SMO: variants seen among roughly 807,000 people sequenced by gnomAD.
SMO encodes the protein smoothened, frizzled class receptor.
SMO carries 40 observed loss-of-function variants against 81.6 expected under a neutral mutation model. That is an observed-to-expected ratio of 0.49 (90% CI 0.38 to 0.64). The LOEUF is 0.64. SMO is among the 30% of genes least tolerant of loss of function. The pLI, the probability that SMO is intolerant of heterozygous loss-of-function variation, is 0.00. For missense variants in SMO, 916 were observed against 1,061.1 expected (o/e 0.86, Z 1.90); for synonymous variants, 434 against 432.1 (o/e 1.00, Z -0.05).
intron 1 of SMO, among the ~76,000 whole-genome samples, chr7:129,202,731 C>T (rs948330019): frequency 2.2e-4 from 33 of 152,174 alleles, no homozygotes; most frequent in East Asian, 7.7e-4. Context: ...TCTCTCACTC[C>T]GCTTGGTAAG....
rs377092430 is a variant in SMO, at chr7:129,212,339, G to A, written c.2252G>A (p.Ser751Asn). 3.7e-6 allele frequency: 6 copies of A among 1,614,044 alleles called. No homozygotes were observed. Among genetic ancestry groups the A allele is most frequent in the South Asian group, 1.1e-5 (1 of 91,092 alleles). Residue 751 changes from serine to asparagine, a missense_variant, in exon 12 of 12, where the codon AGT becomes AAT. Ser to Asn is a conservative substitution (Grantham distance 46, BLOSUM62 1). Transcript: ENST00000249373. This position sits in a 1 kb window ranked among gnomAD's most constrained non-coding sequence, Gnocchi z 5.0. ...PSPPQDPFLP[S>N]APAPVAWAHG... ...CCCCCTCAGGATCCATTTCTGCCCAGTGCACCGGCCCCCGTGGCATGGGCT... is the reference window on the plus strand; with the variant it reads ...CCCCCTCAGGATCCATTTCTGCCCAATGCACCGGCCCCCGTGGCATGGGCT...
At position 129,189,205 on chromosome 7, in the gene SMO, G is replaced by A. The variant is rs1210105681; in HGVS notation, c.54G>A (p.Leu18=). 5.2e-6 allele frequency: 6 copies of A among 1,155,540 alleles called. No individual in the cohort carries two copies. In the South Asian group the frequency reaches 1.7e-4, roughly 32 times the overall value. The allele number at this position is 1,155,540 out of a possible 1,614,324, so 71.6% of individuals were successfully genotyped here. Residue 18 remains leucine, a synonymous_variant, in exon 1 of 12, where the codon CTG becomes CTA. Coordinates refer to ENST00000249373, the MANE Select transcript of SMO (RefSeq NM_005631.5). The surrounding 1 kb of genome is among the most constrained non-coding windows in gnomAD (Gnocchi z 4.7). The stretch of plus-strand genomic sequence containing the variant: ...CGGAGCTCCCGCTCCTGGGGCTGCT[G>A]CTGCTGCTGCTGCTGGGGGACCCGG... ...RGPELPLLGL[L]LLLLLGDPGR...
chr7:129,194,833 A>G (rs1793545842), intron 1 of SMO, among the ~76,000 whole-genome samples: 1 of 152,062 alleles, frequency 6.6e-6, no homozygotes, highest in African/African-American at 2.4e-5. Flanking sequence ...CCTAGGCTAG[A>G]GTGCAGTGGC....
intron 7 of SMO, 199 bp from the exon 8 acceptor site, chr7:129,209,088 CCA>C: frequency 1.6e-6 from 1 of 607,758 alleles, no homozygotes; most frequent in East Asian, 2.8e-5. Context: ...CCACTACGTC[CCA>C]CGTGGTCCCT....
intron 1 of SMO, among the ~76,000 whole-genome samples, chr7:129,201,860 T>C (rs1293363554): frequency 1.3e-5 from 2 of 152,072 alleles, no homozygotes; most frequent in African/African-American, 4.8e-5. Flanking sequence ...TTTGTATTTT[T>C]AGTAGAGACG....
At position 129,208,411 on chromosome 7, in the gene SMO, A is replaced by T. The variant is rs893481900; in HGVS notation, c.1265-348A>T. On this transcript the variant is annotated intron_variant, in intron 6 of 11. Transcript: ENST00000249373. The surrounding 1 kb of genome is among the most constrained non-coding windows in gnomAD (Gnocchi z 5.2). ...GTTTACAATGAGCCGAGATCACGCC[A>T]TTGCACTCCAGCCTGGGCGACAGGG... Among the ~76,000 whole-genome samples, 1 of 151,816 alleles carries T rather than the reference A, an allele frequency of 6.6e-6. No homozygotes were observed. The highest frequency in any genetic ancestry group is 2.4e-5 in the African/African-American group (1 of 41,300).
intron 1 of SMO, among the ~76,000 whole-genome samples, chr7:129,198,102 GTTTTGTTTTTGT>G (rs991644406): frequency 7.2e-5 from 11 of 151,874 alleles, no homozygotes; most frequent in Non-Finnish European, 7.4e-5. Context: ...TTAAGCTCAA[GTTTTGTTTTTGT>G]TTTTGTTTTT....
At position 129,209,344 on chromosome 7, in the gene SMO, C is replaced by G. The variant is rs761197793; in HGVS notation, c.1413C>G (p.Phe471Leu). The stretch of plus-strand genomic sequence containing the variant: ...TGCTCATTACCTTCAGCTGCCACTT[C>G]TACGACTTCTTCAACCAGGCTGAGT... ...GFVLITFSCHFYDFFNQAEWE... is the reference protein window; with the variant it reads ...GFVLITFSCHLYDFFNQAEWE... Residue 471 changes from phenylalanine to leucine, a missense_variant, in exon 8 of 12, where the codon TTC (phenylalanine) becomes TTG (leucine). Physicochemically the swap from Phe to Leu is conservative, Grantham distance 22. Coordinates refer to ENST00000249373, the MANE Select transcript of SMO (RefSeq NM_005631.5). The G allele has an allele frequency of 6.2e-7, 1 of 1,614,176 alleles. No individual in the cohort carries two copies. The highest frequency in any genetic ancestry group is 2.2e-5 in the East Asian group (1 of 44,886).
intron 7 of SMO, 155 bp downstream of exon 7, chr7:129,209,006 C>T: frequency 1.6e-6 from 1 of 634,800 alleles, no homozygotes. Flanking sequence ...GTGGTAGTGG[C>T]AGCTCAAAAG....
Position 129,212,762 on chromosome 7 carries a change from G to A in SMO, c.*311G>A. On this transcript the variant is annotated 3_prime_UTR_variant, in exon 12 of 12. Transcript: ENST00000249373. The surrounding 1 kb of genome is among the most constrained non-coding windows in gnomAD (Gnocchi z 5.0). ...AGGGGGTATGCAGAGCTTGTGGTGGGGCAGGAACGGTGGAGGCAGAGGTGA... is the reference window on the plus strand; with the variant it reads ...AGGGGGTATGCAGAGCTTGTGGTGGAGCAGGAACGGTGGAGGCAGAGGTGA... 2.4e-6 allele frequency: 1 copy of A among 413,184 alleles called. No homozygotes were observed. The highest frequency in any genetic ancestry group is 4.3e-6 in the Non-Finnish European group (1 of 230,798). 25.6% of individuals were successfully genotyped at this position (413,184 alleles called of 1,614,324 possible).
At chr7:129,197,156 A>G (rs146181394) in intron 1 of SMO, among the ~76,000 whole-genome samples, 6 of 152,184 alleles carry the variant, frequency 3.9e-5, no homozygotes, top group African/African-American at 1.4e-4. Context: ...ATAATTTGTG[A>G]GTAATGAGTT....
rs767688088 is a variant in SMO, at chr7:129,211,038, C to T, written c.1726C>T (p.Arg576Trp). 28 of 1,613,846 alleles carry T rather than the reference C, an allele frequency of 1.7e-5. No individual in the cohort carries two copies. The highest frequency in any genetic ancestry group is 2.2e-5 in the Non-Finnish European group (26 of 1,179,914). ...GATGATTGCCAAGGCCTTCTCTAAGCGGCACGAGCTCCTGCAGAACCCAGG... is the reference window on the plus strand; with the variant it reads ...GATGATTGCCAAGGCCTTCTCTAAGTGGCACGAGCTCCTGCAGAACCCAGG... ...SKMIAKAFSK[R>W]HELLQNPGQE... Residue 576 changes from arginine to tryptophan, a missense_variant, in exon 10 of 12, where the codon CGG (arginine) becomes TGG (tryptophan). By Grantham distance (101) the Arg-to-Trp change is moderately radical (BLOSUM62 -3). Coordinates refer to ENST00000249373, the MANE Select transcript of SMO (RefSeq NM_005631.5). The surrounding 1 kb of genome is among the most constrained non-coding windows in gnomAD (Gnocchi z 4.6).
Position 129,189,507 on chromosome 7 carries a change from G to C in SMO, c.331+25G>C, listed in dbSNP as rs1228437186. 14 of 1,534,084 alleles carry C rather than the reference G, an allele frequency of 9.1e-6. No individual in the cohort carries two copies. Among genetic ancestry groups the C allele is most frequent in the South Asian group, 1.2e-5 (1 of 83,966 alleles). On this transcript the variant is annotated intron_variant, in intron 1 of 11. Coordinates refer to ENST00000249373, the MANE Select transcript of SMO (RefSeq NM_005631.5). This position sits in a 1 kb window ranked among gnomAD's most constrained non-coding sequence, Gnocchi z 4.7. ...GGTAAGTGCGGCGGAGCCGGGTCTG[G>C]GGGGCGGGAGGTGCCGCGGTAAGAT... is the stretch of plus-strand genomic sequence containing the variant.
At chr7:129,193,785 A>AAAATATATAT (rs1563145734) in intron 1 of SMO, among the ~76,000 whole-genome samples, 2 of 26,354 alleles carry the variant, frequency 7.6e-5, no homozygotes, top group African/African-American at 1.7e-4. Flanking sequence ...AAAAAAAAAA[A>AAAATATATAT]ATATATATAT....
At chr7:129,192,042 TA>T (rs550902367) in intron 1 of SMO, among the ~76,000 whole-genome samples, 445 of 140,776 alleles carry the variant, frequency 3.2e-3, no homozygotes, top group Middle Eastern at 3.7e-3. Flanking sequence ...ACCTTGCCTC[TA>T]AAAAAAAAAA....
rs1488612664 is a variant in SMO at position 129,203,515 on chromosome 7, G to A, written c.463G>A (p.Ala155Thr). Residue 155 changes from alanine to threonine, a missense_variant, in exon 2 of 12, where the codon GCC becomes ACC. By Grantham distance (58) the Ala-to-Thr change is moderately conservative. This residue lies in a region of SMO where 436 missense variants were observed against 570.9 expected (regional missense o/e 0.76). Transcript: ENST00000249373. ...CTGCCAGGCCACCCGAGGCCCCTGT[G>A]CCATCGTGGAGAGGGAGCGGGGCTG... ...TLCQATRGPCAIVERERGWPD... is the reference protein window; with the variant it reads ...TLCQATRGPCTIVERERGWPD... 6.2e-7 allele frequency: 1 copy of A among 1,608,030 alleles called. No individual in the cohort carries two copies. Among genetic ancestry groups the A allele is most frequent in the Non-Finnish European group, 8.5e-7 (1 of 1,179,280 alleles).
At chr7:129,190,356 A>G (rs76590982) in intron 1 of SMO, among the ~76,000 whole-genome samples, 186 of 152,274 alleles carry the variant, frequency 1.2e-3, no homozygotes, top group African/African-American at 4.3e-3. Context: ...AGTGTGGAGT[A>G]TACTCTCCCC....
chr7:129,190,135 G>A lies in SMO; in HGVS notation c.331+653G>A, dbSNP rs546941597. ...AACCGGCCCTCTGACGCATGCAGGA[G>A]GTTATGAAGGAATAAGACCTTTCTA... On this transcript the variant is annotated intron_variant, in intron 1 of 11. Coordinates refer to ENST00000249373, the MANE Select transcript of SMO (RefSeq NM_005631.5). 1.5e-3 allele frequency among the ~76,000 whole-genome samples: 228 copies of A among 152,266 alleles called. 2 individuals are homozygous for A. Among genetic ancestry groups the A allele is most frequent in the African/African-American group, 3.9e-3 (164 of 41,530 alleles).
At chr7:129,198,196 C>A (rs943218527) in intron 1 of SMO, among the ~76,000 whole-genome samples, 2 of 152,288 alleles carry the variant, frequency 1.3e-5, no homozygotes, top group Admixed American at 1.3e-4. Context: ...AAGTGATCCA[C>A]CCACCTTGGG....
Sources: gnomAD v4.1 joint callset for allele counts (sites outside exome capture counted in the v4.1 genomes callset) on GRCh38, gnomAD v4.1.1 for gene constraint, gnomAD v4.1.1 regional missense constraint, Gnocchi (gnomAD v3.1) non-coding constraint, MANE v1.5 for transcripts, NCBI Gene and HGNC (gene_info 2026-07-23, HGNC 2026-07-21) for gene names.